The following SDK2 variants were observed in gnomAD, a reference collection of about 807,000 sequenced individuals.
SDK2 encodes the protein sidekick cell adhesion molecule 2.
Under a neutral mutation model 253.9 loss-of-function variants are expected in SDK2, and 105 were observed. The ratio of observed to expected loss-of-function variants is 0.41; its 90% confidence interval spans 0.35 to 0.49. SDK2 has a LOEUF of 0.49. Among genes scored for constraint, SDK2 ranks in the 20% least tolerant of loss-of-function variants. The pLI is 0.06. For missense variants in SDK2, 2,608 were observed against 3,003.0 expected, an observed-to-expected ratio of 0.87 and a Z score of 3.07; for synonymous variants, 1,249 against 1,234.9, an observed-to-expected ratio of 1.01 and a Z score of -0.24.
rs2062816916 is a variant in SDK2 at position 73,379,899 on chromosome 17, C to T, written c.4763-350G>A. 1.3e-5 allele frequency among the ~76,000 whole-genome samples: 2 copies of T among 152,136 alleles called. No individual in the cohort carries two copies. Among genetic ancestry groups the T allele is most frequent in the South Asian group, 2.1e-4 (1 of 4,822 alleles). On this transcript the variant is annotated intron_variant, in intron 34 of 44. Coordinates refer to ENST00000392650, the MANE Select transcript of SDK2 (RefSeq NM_001144952.2). This position sits in a 1 kb window ranked among gnomAD's most constrained non-coding sequence, Gnocchi z 4.5. ...TGCCTGGACATAGGGTCACCCCCTA[C>T]CCCCAGCCTGTCCTCTTTCCCCACC...
intron 1 of SDK2, among the ~76,000 whole-genome samples, chr17:73,551,200 C>T (rs2045052462): frequency 6.6e-6 from 1 of 152,208 alleles, no homozygotes; most frequent in South Asian, 2.1e-4. Flanking sequence ...TCTTCCCTCC[C>T]ACACTGTTGG....
intron 2 of SDK2, among the ~76,000 whole-genome samples, chr17:73,483,691 A>ATGTGTGTGTGTGTGTGTGTGTGTG (rs1567799415): frequency 1.0e-4 from 7 of 69,152 alleles, no homozygotes; most frequent in African/African-American, 3.6e-4. Flanking sequence ...ATTTATATAT[A>ATGTGTGTGTGTGTGTGTGTGTGTG]TATATATATA....
At chr17:73,581,586 A>G (rs993710252) in intron 1 of SDK2, among the ~76,000 whole-genome samples, 6 of 152,214 alleles carry the variant, frequency 3.9e-5, no homozygotes, top group African/African-American at 1.4e-4. Context: ...TGCAGGACTG[A>G]CAGCTATTCA....
At chr17:73,428,576 G>T (rs548523439) in intron 12 of SDK2, among the ~76,000 whole-genome samples, 1 of 152,234 alleles carries the variant, frequency 6.6e-6, no homozygotes, top group East Asian at 1.9e-4. Context: ...GGCAAAAACC[G>T]CAGTTACGTT....
At chr17:73,522,142 C>T (rs896525185) in intron 1 of SDK2, among the ~76,000 whole-genome samples, 1 of 145,958 alleles carries the variant, frequency 6.9e-6, no homozygotes, top group African/African-American at 2.4e-5. Context: ...TCCACAAGGC[C>T]GGTGTCATCA....
intron 15 of SDK2, among the ~76,000 whole-genome samples, chr17:73,420,924 C>A (rs1426501347): frequency 6.6e-6 from 1 of 152,184 alleles, no homozygotes; most frequent in Non-Finnish European, 1.5e-5. Flanking sequence ...GATCCGCCCC[C>A]CTCAGCCTCC....
In SDK2 at chr17:73,401,770, C is replaced by A; in HGVS notation, c.2681-18G>T. The A allele has an allele frequency of 6.4e-7, 1 of 1,555,256 alleles. No individual in the cohort carries two copies. The highest frequency in any genetic ancestry group is 1.2e-5 in the South Asian group (1 of 84,500). On this transcript the variant is annotated intron_variant, in intron 19 of 44. Coordinates refer to ENST00000392650, the MANE Select transcript of SDK2 (RefSeq NM_001144952.2). ...CCCAGGCACTGCACCCCAAAAGGAACCCCCACCCCCCAAGGCCAGTTAGAG... is the reference window on the plus strand; with the variant it reads ...CCCAGGCACTGCACCCCAAAAGGAAACCCCACCCCCCAAGGCCAGTTAGAG...
At chr17:73,452,118 C>T (rs1442238851) in intron 4 of SDK2, among the ~76,000 whole-genome samples, 1 of 152,080 alleles carries the variant, frequency 6.6e-6, no homozygotes, top group African/African-American at 2.4e-5. Context: ...AATAAATTAT[C>T]CTAGAATGTG....
chr17:73,619,641 A>C (rs1440079651), intron 1 of SDK2, among the ~76,000 whole-genome samples: 3 of 152,218 alleles, frequency 2.0e-5, no homozygotes, highest in Non-Finnish European at 4.4e-5. Flanking sequence ...AACTCTTAGA[A>C]GAAAACATGG....
intron 16 of SDK2, among the ~76,000 whole-genome samples, chr17:73,418,726 T>C (rs1252063963): frequency 6.6e-6 from 1 of 152,180 alleles, no homozygotes; most frequent in Admixed American, 6.5e-5. Flanking sequence ...TAAGGGTCTG[T>C]ATAACTGGGC....
chr17:73,583,353 C>T (rs1037574430), intron 1 of SDK2, among the ~76,000 whole-genome samples: 2 of 152,156 alleles, frequency 1.3e-5, no homozygotes, highest in African/African-American at 4.8e-5. Context: ...ACTCTAACCT[C>T]CCATCTTCTC....
chr17:73,458,122 G>A (rs1334888164), intron 3 of SDK2, among the ~76,000 whole-genome samples: 1 of 152,156 alleles, frequency 6.6e-6, no homozygotes, highest in East Asian at 1.9e-4. Context: ...GGGACTACAG[G>A]TGTGTACCAC....
At position 73,454,505 on chromosome 17, in the gene SDK2, G is replaced by T. The variant is rs149984997; in HGVS notation, c.479+1401C>A. ...AAACCCAGCACCTCACCGGGTTGTTGTGAGGGTCATTCATTCAACAACGCC... is the reference window on the plus strand; with the variant it reads ...AAACCCAGCACCTCACCGGGTTGTTTTGAGGGTCATTCATTCAACAACGCC... On this transcript the variant is annotated intron_variant, in intron 4 of 44. Coordinates refer to ENST00000392650, the MANE Select transcript of SDK2 (RefSeq NM_001144952.2). 6.7e-3 allele frequency among the ~76,000 whole-genome samples: 1,014 copies of T among 152,322 alleles called. 10 individuals carry two copies. Among genetic ancestry groups the T allele is most frequent in the African/African-American group, 0.022 (934 of 41,568 alleles).
chr17:73,590,320 G>A (rs2045664263), intron 1 of SDK2, among the ~76,000 whole-genome samples: 1 of 152,176 alleles, frequency 6.6e-6, no homozygotes, highest in African/African-American at 2.4e-5. Flanking sequence ...ACAGGACCTG[G>A]CAACCAGCAC....
intron 2 of SDK2, among the ~76,000 whole-genome samples, chr17:73,501,467 C>T (rs2063890821): frequency 1.3e-5 from 2 of 152,382 alleles, no homozygotes; most frequent in South Asian, 2.1e-4. Flanking sequence ...CTCCTGCTCA[C>T]ATGAGAGAAA....
intron 14 of SDK2, among the ~76,000 whole-genome samples, 191 bp from the exon 15 acceptor site, chr17:73,422,625 G>A (rs767849441): frequency 3.3e-5 from 5 of 152,102 alleles, no homozygotes; most frequent in African/African-American, 4.8e-5. Flanking sequence ...GGGAGGAGAC[G>A]GTGGAGGGTG....
At chr17:73,552,282 A>AT (rs2045073394) in intron 1 of SDK2, among the ~76,000 whole-genome samples, 1 of 152,196 alleles carries the variant, frequency 6.6e-6, no homozygotes, top group African/African-American at 2.4e-5. Flanking sequence ...TTAACGACAC[A>AT]TTTTTTCAAT....
chr17:73,547,570 TC>T, intron 1 of SDK2, among the ~76,000 whole-genome samples: 3 of 152,194 alleles, frequency 2.0e-5, no homozygotes, highest in African/African-American at 7.2e-5. Flanking sequence ...TGTGTCCCAT[TC>T]CCCACCTCCC....
At chr17:73,430,447 G>A in intron 12 of SDK2, 64 bp downstream of exon 12, 1 of 1,260,722 alleles carries the variant, frequency 7.9e-7, no homozygotes, top group Non-Finnish European at 1.1e-6. Flanking sequence ...CACTCGCCCA[G>A]CTACAAGCTA....
Sources: allele counts gnomAD v4.1 joint callset (sites outside exome capture counted in the v4.1 genomes callset), GRCh38; gene constraint gnomAD v4.1.1; non-coding constraint Gnocchi (gnomAD v3.1); transcripts MANE v1.5; gene names NCBI Gene and HGNC (gene_info 2026-07-23, HGNC 2026-07-21).